STK32C: variants seen among roughly 807,000 people sequenced by gnomAD.
STK32C encodes the protein serine/threonine kinase 32C.
STK32C carries 31 observed loss-of-function variants against 56.5 expected under a neutral mutation model. That is an observed-to-expected ratio of 0.55 (90% confidence interval 0.41 to 0.74). The LOEUF is 0.74. STK32C is among the 30% of genes least tolerant of loss of function. The pLI, the probability that STK32C is intolerant of heterozygous loss-of-function variation, is 0.00. For missense variants in STK32C, 544 were observed against 676.9 expected, an observed-to-expected ratio of 0.80 and a Z score of 2.18; for synonymous variants, 309 against 289.4, an observed-to-expected ratio of 1.07 and a Z score of -0.69.
chr10:132,245,825 A>C, intron 2 of STK32C, 75 bp downstream of exon 2: 1 of 1,452,404 alleles, frequency 6.9e-7, no homozygotes, highest in Non-Finnish European at 9.6e-7. Context: ...AGGTGGGCTC[A>C]GGGGACAGCA....
intron 1 of STK32C, among the ~76,000 whole-genome samples, chr10:132,294,605 G>A (rs113294409): frequency 5.5e-4 from 83 of 152,266 alleles, no homozygotes; most frequent in African/African-American, 1.9e-3. Context: ...CTCGGGACAC[G>A]AACATGCATG....
At position 132,224,396 on chromosome 10, in the gene STK32C, TG is replaced by T; in HGVS notation, c.993+10del. ...CTCGGAGGGTGAGGAGGCTCAGGGATGGGGGCTCACCTTCCGCAGCAAGGCC... is the reference window on the plus strand; with the variant it reads ...CTCGGAGGGTGAGGAGGCTCAGGGATGGGGCTCACCTTCCGCAGCAAGGCC... On this transcript the variant is annotated intron_variant, in intron 8 of 11. Transcript: ENST00000298630. 6.5e-7 allele frequency: 1 copy of T among 1,544,000 alleles called. No individual in the cohort carries two copies. Among genetic ancestry groups the T allele is most frequent in the Non-Finnish European group, 8.8e-7 (1 of 1,141,360 alleles).
At chr10:132,260,701 A>T (rs994835041) in intron 1 of STK32C, among the ~76,000 whole-genome samples, 1 of 152,210 alleles carries the variant, frequency 6.6e-6, no homozygotes. Flanking sequence ...TCTGTGCCCC[A>T]TGCAGTGCTC....
intron 1 of STK32C, among the ~76,000 whole-genome samples, chr10:132,292,883 G>A (rs1199840562): frequency 2.6e-5 from 4 of 151,896 alleles, no homozygotes; most frequent in Admixed American, 6.6e-5. Flanking sequence ...ACCCGCTGCC[G>A]GTCCCTCCCT....
Position 132,228,002 on chromosome 10 carries a change from C to T in STK32C, c.445G>A (p.Glu149Lys), listed in dbSNP as rs553393602. The T allele has an allele frequency of 4.3e-6, 7 of 1,613,602 alleles. No homozygotes were observed. In the African/African-American group the frequency reaches 5.3e-5, roughly 12 times the overall value. ...CAGAGGTTCACCAGGAAGACGTGCT[C>T]GATCTCCTGCAGGATCTCCAGCTCC... The part of the protein sequence containing the change: ...FRELEILQEI[E>K]HVFLVNLWYS... Residue 149 changes from glutamate to lysine, a missense_variant, in exon 3 of 12, where the codon GAG becomes AAG. By Grantham distance (56) the Glu-to-Lys change is moderately conservative. Around this residue, in one of 3 missense-constraint regions of STK32C, gnomAD observed 182 missense variants for 217.7 expected, o/e 0.84. Transcript: ENST00000298630.
At chr10:132,244,860 G>A (rs1287519165) in intron 2 of STK32C, among the ~76,000 whole-genome samples, 3 of 152,144 alleles carry the variant, frequency 2.0e-5, no homozygotes, top group Non-Finnish European at 4.4e-5. Flanking sequence ...GACGAACTCC[G>A]CCAGCTTCAG....
upstream of STK32C, among the ~76,000 whole-genome samples, chr10:132,312,300 C>T (rs1207189757): frequency 6.6e-6 from 1 of 152,164 alleles, no homozygotes; most frequent in Non-Finnish European, 1.5e-5. Context: ...TGAGCCACTG[C>T]ACCCAGCCTC....
At chr10:132,309,332 C>T (rs2066175740), upstream of STK32C, among the ~76,000 whole-genome samples, 1 of 151,744 alleles carries the variant, frequency 6.6e-6, no homozygotes, top group South Asian at 2.1e-4. Flanking sequence ...CTAGGACATG[C>T]ACCCGCCTGG....
At chr10:132,304,098 G>A (rs578026140) in intron 1 of STK32C, among the ~76,000 whole-genome samples, 1 of 152,334 alleles carries the variant, frequency 6.6e-6, no homozygotes, top group African/African-American at 2.4e-5. Flanking sequence ...ATGTATCCTA[G>A]GGAAACAATG....
At chr10:132,311,166 C>A (rs547277715), upstream of STK32C, among the ~76,000 whole-genome samples, 2 of 152,212 alleles carry the variant, frequency 1.3e-5, no homozygotes, top group Non-Finnish European at 2.9e-5. This position sits in a 1 kb window ranked among gnomAD's most constrained non-coding sequence, Gnocchi z 4.4. Flanking sequence ...TCAGTCACAC[C>A]GAGATGTGTG....
intron 1 of STK32C, among the ~76,000 whole-genome samples, chr10:132,270,914 C>T (rs993771467): frequency 6.6e-6 from 1 of 151,088 alleles, no homozygotes; most frequent in South Asian, 2.1e-4. Flanking sequence ...AAGGATGCAG[C>T]CCCCCTCCAG....
intron 1 of STK32C, among the ~76,000 whole-genome samples, chr10:132,313,614 G>T (rs1025118746): frequency 6.6e-6 from 1 of 152,282 alleles, no homozygotes; most frequent in African/African-American, 2.4e-5. Flanking sequence ...GCCCACAGCA[G>T]AGCTGACACC....
At chr10:132,212,747 T>C (rs947363790) in intron 10 of STK32C, among the ~76,000 whole-genome samples, 1 of 152,194 alleles carries the variant, frequency 6.6e-6, no homozygotes, top group African/African-American at 2.4e-5. Flanking sequence ...TGGCTTCTGC[T>C]CTGCGGTAAA....
intron 1 of STK32C, among the ~76,000 whole-genome samples, chr10:132,269,231 A>ATGTG (rs1399631189): frequency 1.7e-5 from 2 of 119,912 alleles, no homozygotes; most frequent in Non-Finnish European, 3.6e-5. Flanking sequence ...AGCTCTGTGC[A>ATGTG]TGTGTCTGTG....
intron 1 of STK32C, 130 bp from the exon 2 acceptor site, chr10:132,246,085 G>A (rs914434302): frequency 7.6e-6 from 7 of 920,342 alleles, no homozygotes; most frequent in African/African-American, 6.5e-5. Flanking sequence ...GGTCGCCGTG[G>A]GGCGGGCCAA....
At chr10:132,250,154 G>T (rs369036848) in intron 1 of STK32C, among the ~76,000 whole-genome samples, 2 of 152,256 alleles carry the variant, frequency 1.3e-5, no homozygotes, top group African/African-American at 4.8e-5. Flanking sequence ...CGCACCGGGG[G>T]AGGGAAGGGG....
intron 1 of STK32C, among the ~76,000 whole-genome samples, chr10:132,263,947 C>G (rs1012589291): frequency 3.9e-5 from 6 of 152,008 alleles, no homozygotes; most frequent in Non-Finnish European, 7.4e-5. Context: ...TGGAAGGACC[C>G]TGACAGAAAC....
intron 1 of STK32C, among the ~76,000 whole-genome samples, chr10:132,317,294 A>G (rs2066326696): frequency 6.6e-6 from 1 of 152,226 alleles, no homozygotes; most frequent in Admixed American, 6.5e-5. Flanking sequence ...TCTAGAAGAA[A>G]ACACAGGGGA....
chr10:132,316,002 C>A (rs2066302214), intron 1 of STK32C, among the ~76,000 whole-genome samples: 1 of 151,632 alleles, frequency 6.6e-6, no homozygotes, highest in African/African-American at 2.4e-5. Flanking sequence ...ATTATAAAAC[C>A]CAAACTAATA....
Sources: allele counts gnomAD v4.1 joint callset (sites outside exome capture counted in the v4.1 genomes callset), GRCh38; gene constraint gnomAD v4.1.1; regional missense constraint gnomAD v4.1.1; non-coding constraint Gnocchi (gnomAD v3.1); transcripts MANE v1.5; gene names NCBI Gene and HGNC (gene_info 2026-07-23, HGNC 2026-07-21).